The following SLC10A7 variants were observed in gnomAD, a reference collection of about 807,000 sequenced individuals.
SLC10A7 encodes solute carrier family 10 member 7, also known as sodium/bile acid cotransporter 7.
In SLC10A7, 29 loss-of-function variants were observed where a neutral mutation model predicts 43.2. That is an observed-to-expected ratio of 0.67 (90% CI 0.50 to 0.92). SLC10A7 has a LOEUF of 0.92. SLC10A7 is among the 40% of genes least tolerant of loss of function. The probability of loss-of-function intolerance (pLI) is 0.00; values close to 1 mark genes in which losing one functional copy is unlikely to be tolerated. For synonymous variants in SLC10A7, 152 were observed against 144.8 expected, an observed-to-expected ratio of 1.05 and a Z score of -0.35; for missense variants, 295 against 403.2, an observed-to-expected ratio of 0.73 and a Z score of 2.30.
intron 10 of SLC10A7, among the ~76,000 whole-genome samples, chr4:146,280,645 A>T (rs1440355474): frequency 6.6e-6 from 1 of 152,204 alleles, no homozygotes; most frequent in Non-Finnish European, 1.5e-5. Flanking sequence ...AGATCCATGC[A>T]TTGGATCTTG....
At position 146,256,396 on chromosome 4, in the gene SLC10A7, C is replaced by A; in HGVS notation, c.*95G>T. 8.6e-7 allele frequency: 1 copy of A among 1,157,604 alleles called. No individual in the cohort carries two copies. Among genetic ancestry groups the A allele is most frequent in the South Asian group, 1.3e-5 (1 of 75,542 alleles). The allele number at this position is 1,157,604 out of a possible 1,614,324, so 71.7% of individuals were successfully genotyped here. On this transcript the variant is annotated 3_prime_UTR_variant, in exon 12 of 12. Transcript: ENST00000335472. ...TTTTTGTGTAAAAAAATAAAATATG[C>A]ATTGAGGCAACATTCACAAGTACAA...
intron 7 of SLC10A7, among the ~76,000 whole-genome samples, chr4:146,298,081 C>T (rs954035008): frequency 3.9e-5 from 6 of 152,308 alleles, no homozygotes; most frequent in African/African-American, 1.4e-4. Context: ...TCTGGAGCTA[C>T]ACCGCACCTA....
intron 5 of SLC10A7, among the ~76,000 whole-genome samples, chr4:146,346,051 C>T (rs1261251687): frequency 6.6e-6 from 1 of 152,008 alleles, no homozygotes; most frequent in African/African-American, 2.4e-5. Context: ...ATTTTAGCAC[C>T]CACAACTCTA....
At chr4:146,359,578 A>G (rs1328674442) in intron 5 of SLC10A7, among the ~76,000 whole-genome samples, 1 of 152,152 alleles carries the variant, frequency 6.6e-6, no homozygotes, top group Non-Finnish European at 1.5e-5. Flanking sequence ...AGGGGTGTTA[A>G]GGGGTGACAG....
rs199975416 is a variant in SLC10A7, at chr4:146,327,153, A to ACTGG, written c.436-1161_436-1158dup. Among the ~76,000 whole-genome samples, 25 of 152,320 alleles carry ACTGG rather than the reference A, an allele frequency of 1.6e-4. No individual in the cohort carries two copies. The East Asian group carries it at 4.1e-3, about 25-fold the overall frequency. ...GTGTTTTGCATGTGGCCCAAGAGGG[A>ACTGG]CTGGCTTACCTTAAATGAACAATGC... On this transcript the variant is annotated intron_variant, in intron 5 of 11. Transcript: ENST00000335472.
At chr4:146,379,957 C>CTGTG (rs1390456740) in intron 5 of SLC10A7, among the ~76,000 whole-genome samples, 21 of 143,864 alleles carry the variant, frequency 1.5e-4, no homozygotes, top group African/African-American at 5.7e-4. Context: ...CTCTCTCTCT[C>CTGTG]TCTGTGTGTG....
At chr4:146,376,222 C>A (rs568089580) in intron 5 of SLC10A7, among the ~76,000 whole-genome samples, 1 of 152,158 alleles carries the variant, frequency 6.6e-6, no homozygotes, top group Admixed American at 6.5e-5. Context: ...CTCATTAGAA[C>A]AAAAGATGTT....
intron 4 of SLC10A7, among the ~76,000 whole-genome samples, chr4:146,486,071 T>C (rs1311396937): frequency 6.6e-6 from 1 of 152,160 alleles, no homozygotes; most frequent in African/African-American, 2.4e-5. Flanking sequence ...AAAGAGAGAA[T>C]ACTAAATCTT....
chr4:146,289,489 C>A (rs1038438659), intron 9 of SLC10A7, among the ~76,000 whole-genome samples: 1 of 151,900 alleles, frequency 6.6e-6, no homozygotes. Flanking sequence ...AAAAGATTTC[C>A]AATTACTGCT....
At chr4:146,381,725 A>G (rs1175840995) in intron 5 of SLC10A7, among the ~76,000 whole-genome samples, 1 of 151,892 alleles carries the variant, frequency 6.6e-6, no homozygotes, top group Non-Finnish European at 1.5e-5. Context: ...TCTACCACAC[A>G]CTCAGCCTAA....
At chr4:146,461,773 GAA>G (rs774251605) in intron 4 of SLC10A7, among the ~76,000 whole-genome samples, 1 of 53,152 alleles carries the variant, frequency 1.9e-5, no homozygotes, top group African/African-American at 6.9e-5. Flanking sequence ...TCAATGAGAA[GAA>G]AAAAAAAAAA....
intron 5 of SLC10A7, among the ~76,000 whole-genome samples, chr4:146,395,631 CAT>C (rs1180973982): frequency 6.6e-6 from 1 of 152,166 alleles, no homozygotes; most frequent in African/African-American, 2.4e-5. Flanking sequence ...GGTGCTGACA[CAT>C]ATATTTGCTC....
In SLC10A7 at chr4:146,521,609, A is replaced by C. The variant is rs1250674383; in HGVS notation, c.100+9T>G. On this transcript the variant is annotated intron_variant, in intron 1 of 11. Coordinates refer to ENST00000335472, the MANE Select transcript of SLC10A7 (RefSeq NM_001029998.6). The stretch of plus-strand genomic sequence containing the variant: ...GCCGCGGTGGAGCCGGCAGAGGTGC[A>C]GCACTTACCCCCATTCACCCCTATG... 1.9e-5 allele frequency: 31 copies of C among 1,610,742 alleles called. No individual in the cohort carries two copies. Among genetic ancestry groups the C allele is most frequent in the Non-Finnish European group, 2.6e-5 (31 of 1,177,152 alleles).
intron 4 of SLC10A7, among the ~76,000 whole-genome samples, chr4:146,474,943 C>A (rs1470210444): frequency 6.6e-6 from 1 of 152,120 alleles, no homozygotes; most frequent in Non-Finnish European, 1.5e-5. Context: ...AGAGCATTCC[C>A]TTCCCTCCAG....
chr4:146,463,720 G>A (rs1732742957), intron 4 of SLC10A7, among the ~76,000 whole-genome samples: 1 of 151,726 alleles, frequency 6.6e-6, no homozygotes, highest in African/African-American at 2.4e-5. Context: ...CACCCTGGGT[G>A]ACAGAGCAAG....
At chr4:146,356,916 C>G (rs896727547) in intron 5 of SLC10A7, among the ~76,000 whole-genome samples, 6 of 152,124 alleles carry the variant, frequency 3.9e-5, no homozygotes, top group African/African-American at 1.4e-4. Flanking sequence ...GGATTAATTT[C>G]AAATACAGTA....
At chr4:146,442,312 T>G in intron 5 of SLC10A7, 17 of 986,272 alleles carry the variant, frequency 1.7e-5, no homozygotes, top group Non-Finnish European at 1.9e-5. Context: ...CAAATTTTTT[T>G]TCACATAGAT....
At chr4:146,509,249 T>G (rs1737226388) in intron 3 of SLC10A7, among the ~76,000 whole-genome samples, 1 of 152,184 alleles carries the variant, frequency 6.6e-6, no homozygotes, top group Admixed American at 6.5e-5. Flanking sequence ...TTCTCCAATA[T>G]GTATAATAAC....
At chr4:146,287,537 C>T (rs1160235284) in intron 9 of SLC10A7, among the ~76,000 whole-genome samples, 1 of 152,070 alleles carries the variant, frequency 6.6e-6, no homozygotes, top group African/African-American at 2.4e-5. Flanking sequence ...AAGTGTGAGC[C>T]AACTTTGAGT....
Sources: allele counts gnomAD v4.1 joint callset (sites outside exome capture counted in the v4.1 genomes callset), GRCh38; gene constraint gnomAD v4.1.1; transcripts MANE v1.5; gene names NCBI Gene and HGNC (gene_info 2026-07-23, HGNC 2026-07-21).